Variants in NPSR1 observed in about 807,000 individuals in gnomAD.
NPSR1 encodes neuropeptide S receptor.
NPSR1 carries 48 observed loss-of-function variants against 46.9 expected under a neutral mutation model. The observed-to-expected ratio is 1.02, with a 90% CI of 0.81 to 1.30. NPSR1 has a LOEUF of 1.30. Among genes scored for constraint, NPSR1 ranks in the 50% most tolerant of loss-of-function variants. The pLI is 0.00. For missense variants in NPSR1, 450 were observed against 449.5 expected, an observed-to-expected ratio of 1.00 and a Z score of -0.01; for synonymous variants, 176 against 168.1, an observed-to-expected ratio of 1.05 and a Z score of -0.36.
chr7:34,783,385 C>T (rs1044807858), intron 3 of NPSR1, among the ~76,000 whole-genome samples: 1 of 152,008 alleles, frequency 6.6e-6, no homozygotes, highest in Non-Finnish European at 1.5e-5. Context: ...ACCATCAGAT[C>T]TCATGAGAAC....
intron 2 of NPSR1, among the ~76,000 whole-genome samples, chr7:34,701,129 G>A (rs1326359579): frequency 1.3e-5 from 2 of 152,166 alleles, no homozygotes; most frequent in Non-Finnish European, 2.9e-5. Flanking sequence ...TCTTAAAGGA[G>A]TTCAGGACAT....
intron 1 of NPSR1, among the ~76,000 whole-genome samples, chr7:34,675,535 A>G (rs1344266564): frequency 6.6e-6 from 1 of 152,184 alleles, no homozygotes; most frequent in Non-Finnish European, 1.5e-5. Context: ...GTCATCAACC[A>G]AGTTTCCATC....
chr7:34,799,050 A>G (rs1323810019), intron 3 of NPSR1, among the ~76,000 whole-genome samples: 1 of 152,144 alleles, frequency 6.6e-6, no homozygotes. Flanking sequence ...AGGAAACTAG[A>G]GAAAGAAAAG....
At chr7:34,872,664 A>G (rs971778544) in intron 8 of NPSR1, among the ~76,000 whole-genome samples, 10 of 151,842 alleles carry the variant, frequency 6.6e-5, no homozygotes, top group East Asian at 1.9e-4. Flanking sequence ...GGAGAAGCAA[A>G]TTATGTCTTA....
intron 3 of NPSR1, among the ~76,000 whole-genome samples, chr7:34,809,965 T>C (rs993833308): frequency 7.9e-5 from 12 of 152,196 alleles, no homozygotes; most frequent in Non-Finnish European, 1.6e-4. Flanking sequence ...AAGCACATTA[T>C]CTCATTCTTT....
At chr7:34,820,627 G>T (rs866039578) in intron 4 of NPSR1, among the ~76,000 whole-genome samples, 1 of 152,150 alleles carries the variant, frequency 6.6e-6, no homozygotes, top group Non-Finnish European at 1.5e-5. Context: ...TGGTCAGGGT[G>T]CAGCTTGGTT....
At chr7:34,688,891 G>A (rs540065741) in intron 2 of NPSR1, among the ~76,000 whole-genome samples, 12 of 152,250 alleles carry the variant, frequency 7.9e-5, no homozygotes, top group African/African-American at 2.2e-4. Context: ...CTCTGCACTC[G>A]ATGCCCAGAC....
At position 34,849,620 on chromosome 7, in the gene NPSR1, G is replaced by T. The variant is rs144899362; in HGVS notation, c.1081G>T (p.Glu361Ter). Residue 361 changes from glutamate (E) to a stop codon, truncating the protein, a stop_gained, in exon 9 of 9, where the codon GAG becomes TAG. Transcript: ENST00000360581. LOFTEE classifies it high-confidence loss of function. ...MTFRERTERH[E>*]MQILSKPEFI ...GTTCCGGGAGAGAACTGAGAGGCAT[G>T]AGATGCAGATTCTGTCCAAGCCAGA... The T allele has an allele frequency of 1.2e-5, 19 of 1,614,166 alleles. No individual in the cohort carries two copies. The highest frequency in any genetic ancestry group is 1.6e-5 in the Non-Finnish European group (19 of 1,180,014).
At chr7:34,825,786 A>G (rs962047601) in intron 4 of NPSR1, among the ~76,000 whole-genome samples, 2 of 152,048 alleles carry the variant, frequency 1.3e-5, no homozygotes, top group African/African-American at 4.8e-5. Flanking sequence ...TCAAGCAAGA[A>G]CTCTGTCTTC....
chr7:34,756,760 A>G (rs1785882759), intron 2 of NPSR1, among the ~76,000 whole-genome samples: 1 of 152,124 alleles, frequency 6.6e-6, no homozygotes, highest in Non-Finnish European at 1.5e-5. Context: ...CTGAATTCAA[A>G]TCCTCTCTCT....
At chr7:34,823,405 A>AAAAAAAC (rs1789661135) in intron 4 of NPSR1, among the ~76,000 whole-genome samples, 1 of 137,078 alleles carries the variant, frequency 7.3e-6, no homozygotes, top group Non-Finnish European at 1.5e-5. Context: ...ACCAGAAAAA[A>AAAAAAAC]AAAAAAAAAA....
intron 1 of NPSR1, among the ~76,000 whole-genome samples, chr7:34,668,789 G>T (rs1295720841): frequency 6.6e-6 from 1 of 152,142 alleles, no homozygotes; most frequent in African/African-American, 2.4e-5. Flanking sequence ...CCTTGCCCTG[G>T]CTCTCATAAG....
chr7:34,780,812 C>T (rs1787196440), intron 3 of NPSR1, among the ~76,000 whole-genome samples: 1 of 152,108 alleles, frequency 6.6e-6, no homozygotes. Context: ...TGGAAGACTC[C>T]ACTTGCAAGG....
At chr7:34,717,039 A>T (rs1562673910) in intron 2 of NPSR1, among the ~76,000 whole-genome samples, 1 of 152,186 alleles carries the variant, frequency 6.6e-6, no homozygotes, top group Non-Finnish European at 1.5e-5. Context: ...TATTTTACTC[A>T]TTTACTTTCT....
rs1488436908 is a variant in NPSR1, at chr7:34,870,895, GATGGATGA to G, written c.1026-7173_1026-7166del. Reference sequence around the variant, plus strand: ...GGATGGATGGATGGATGGATGGATGGATGGATGAATGGATGGATGGATAGATGGATGGA... The same window carrying G: ...GGATGGATGGATGGATGGATGGATGGATGGATGGATGGATAGATGGATGGA... On this transcript the variant is annotated intron_variant, in intron 8 of 8. Coordinates refer to the NPSR1 transcript ENST00000359791. Among the ~76,000 whole-genome samples, 368 of 150,656 alleles carry G rather than the reference GATGGATGA, an allele frequency of 2.4e-3. 14 individuals are homozygous for G. Among genetic ancestry groups the G allele is most frequent in the Middle Eastern group, 0.014 (4 of 294 alleles).
intron 1 of NPSR1, among the ~76,000 whole-genome samples, chr7:34,663,105 T>TGG (rs1791556527): frequency 1.4e-5 from 1 of 71,702 alleles, no homozygotes; most frequent in Non-Finnish European, 2.5e-5. Flanking sequence ...CGGGGGGGAG[T>TGG]GGGGGTAGAG....
At chr7:34,792,404 A>C (rs1468333379) in intron 3 of NPSR1, among the ~76,000 whole-genome samples, 1 of 146,652 alleles carries the variant, frequency 6.8e-6, no homozygotes, top group Non-Finnish European at 1.5e-5. Flanking sequence ...TCACGCATAT[A>C]GTCCTAGTAC....
At chr7:34,740,593 C>T (rs1458697513) in intron 2 of NPSR1, among the ~76,000 whole-genome samples, 1 of 152,132 alleles carries the variant, frequency 6.6e-6, no homozygotes, top group African/African-American at 2.4e-5. Flanking sequence ...CTTCCTCTAC[C>T]CCTGTATTTC....
At chr7:34,847,535 C>T (rs1309564442) in intron 7 of NPSR1, among the ~76,000 whole-genome samples, 8 of 152,062 alleles carry the variant, frequency 5.3e-5, no homozygotes, top group Admixed American at 5.2e-4. Flanking sequence ...AAGTCTGAGT[C>T]CAAAGGCCTG....
Sources: allele counts gnomAD v4.1 joint callset (sites outside exome capture counted in the v4.1 genomes callset), GRCh38; gene constraint gnomAD v4.1.1; transcripts MANE v1.5; gene names NCBI Gene and HGNC (gene_info 2026-07-23, HGNC 2026-07-21).